The following NKAIN2 variants were observed in gnomAD, a reference collection of about 807,000 sequenced individuals.
The protein encoded by NKAIN2 is sodium/potassium-transporting ATPase subunit beta-1-interacting protein 2.
Under a neutral mutation model 32.6 loss-of-function variants are expected in NKAIN2, and 14 were observed. That is an observed-to-expected ratio of 0.43 (90% CI 0.28 to 0.67). The LOEUF (loss-of-function observed/expected upper bound fraction) is 0.67. Ranked by LOEUF, NKAIN2 falls within the 30% of genes least tolerant of loss-of-function variation. The pLI is 0.17. For missense variants in NKAIN2, 198 were observed against 258.3 expected (o/e 0.77, Z 1.60); for synonymous variants, 80 against 87.2 (o/e 0.92, Z 0.46).
chr6:124,342,266 A>C (rs909811622), intron 2 of NKAIN2, among the ~76,000 whole-genome samples: 1 of 151,254 alleles, frequency 6.6e-6, no homozygotes, highest in African/African-American at 2.4e-5. Flanking sequence ...AAAATTAGCC[A>C]GGCGTGGTGG....
At chr6:124,010,598 G>A (rs952771864) in intron 1 of NKAIN2, among the ~76,000 whole-genome samples, 2 of 150,952 alleles carry the variant, frequency 1.3e-5, no homozygotes, top group African/African-American at 4.9e-5. Context: ...CTTATCAGCT[G>A]TGGGTAAGTA....
chr6:124,081,474 T>A (rs1458832752), intron 1 of NKAIN2, among the ~76,000 whole-genome samples: 1 of 152,138 alleles, frequency 6.6e-6, no homozygotes, highest in African/African-American at 2.4e-5. Flanking sequence ...TTTACTAGAA[T>A]TGAATGGTAT....
intron 4 of NKAIN2, among the ~76,000 whole-genome samples, chr6:124,764,989 G>T (rs185769303): frequency 6.6e-6 from 1 of 152,198 alleles, no homozygotes; most frequent in Non-Finnish European, 1.5e-5. Flanking sequence ...CTTTAACTAA[G>T]TTCCACTAGG....
chr6:124,570,650 A>G (rs1490800204), intron 3 of NKAIN2, among the ~76,000 whole-genome samples: 2 of 152,192 alleles, frequency 1.3e-5, no homozygotes, highest in Non-Finnish European at 2.9e-5. Context: ...ATTTCAGAAG[A>G]TGAGTGGAAA....
At chr6:124,110,863 G>T (rs937650518) in intron 1 of NKAIN2, among the ~76,000 whole-genome samples, 1 of 152,056 alleles carries the variant, frequency 6.6e-6, no homozygotes, top group South Asian at 2.1e-4. Flanking sequence ...ACATGCAAGT[G>T]TATGTGTATT....
At chr6:124,061,847 T>A (rs1249562254) in intron 1 of NKAIN2, among the ~76,000 whole-genome samples, 1 of 152,102 alleles carries the variant, frequency 6.6e-6, no homozygotes, top group African/African-American at 2.4e-5. Flanking sequence ...AACTTAGAAA[T>A]GATATCTGTA....
At chr6:124,437,824 G>T (rs142034657) in intron 3 of NKAIN2, 5 of 378,798 alleles carry the variant, frequency 1.3e-5, no homozygotes, top group African/African-American at 2.2e-5. Context: ...TTTCCTCAAC[G>T]CATGGGATAC....
rs1780122526 is a variant in NKAIN2, at chr6:124,007,416, G to A, written c.54+203162G>A. Among the ~76,000 whole-genome samples the A allele has an allele frequency of 2.6e-5, 4 of 152,154 alleles. No homozygotes were observed. In the South Asian group the frequency reaches 8.3e-4, roughly 32 times the overall value. ...CCACCAATGAGTGTGTACAGTGAAAGCAACACCCATCCTAAATTTTGCTAA... is the reference window on the plus strand; with the variant it reads ...CCACCAATGAGTGTGTACAGTGAAAACAACACCCATCCTAAATTTTGCTAA... On this transcript the variant is annotated intron_variant, in intron 1 of 6. Coordinates refer to ENST00000368417, the MANE Select transcript of NKAIN2 (RefSeq NM_001040214.3).
chr6:124,749,448 CA>C (rs1777608075), intron 4 of NKAIN2, among the ~76,000 whole-genome samples: 1 of 151,900 alleles, frequency 6.6e-6, no homozygotes. Context: ...CCTATCTCAA[CA>C]ACAAATTTAT....
chr6:124,249,628 C>T (rs1793597045), intron 1 of NKAIN2, among the ~76,000 whole-genome samples: 1 of 151,968 alleles, frequency 6.6e-6, no homozygotes, highest in African/African-American at 2.4e-5. Context: ...GGCCAGCACA[C>T]ACACACACGC....
At chr6:124,352,356 A>T (rs536948625) in intron 2 of NKAIN2, among the ~76,000 whole-genome samples, 1 of 152,320 alleles carries the variant, frequency 6.6e-6, no homozygotes, top group South Asian at 2.1e-4. Context: ...AAGATTCCAA[A>T]TTTTTATTAT....
At chr6:124,314,061 C>T (rs1166407184) in intron 2 of NKAIN2, among the ~76,000 whole-genome samples, 1 of 152,078 alleles carries the variant, frequency 6.6e-6, no homozygotes, top group Non-Finnish European at 1.5e-5. Flanking sequence ...TTTGCTTATA[C>T]AGGCCAGAAT....
chr6:124,189,314 A>G (rs544845961), intron 1 of NKAIN2, among the ~76,000 whole-genome samples: 20 of 152,298 alleles, frequency 1.3e-4, no homozygotes, highest in African/African-American at 4.6e-4. Flanking sequence ...AAAGAAACCC[A>G]TAGAAATGAA....
At chr6:124,645,047 CACTT>C (rs1411034468) in intron 3 of NKAIN2, among the ~76,000 whole-genome samples, 4 of 152,116 alleles carry the variant, frequency 2.6e-5, no homozygotes, top group African/African-American at 7.2e-5. Context: ...TGAAGATATA[CACTT>C]ACTTATATTT....
chr6:124,083,620 A>G (rs1283842405), intron 1 of NKAIN2, among the ~76,000 whole-genome samples: 4 of 152,000 alleles, frequency 2.6e-5, no homozygotes, highest in East Asian at 1.9e-4. Context: ...AAATCAACCT[A>G]TTAATGTTTT....
At chr6:124,744,140 T>A (rs4466264) in intron 4 of NKAIN2, among the ~76,000 whole-genome samples, 58,336 of 151,688 alleles carry the variant, frequency 0.38, 11,410 homozygotes, top group Admixed American at 0.45. Context: ...CTTTGATTAA[T>A]GGCTGATGAT....
chr6:124,638,887 C>CAAAAAAAAAAA lies in NKAIN2; in HGVS notation c.274-19287_274-19277dup, dbSNP rs35802663. 6.1e-5 allele frequency among the ~76,000 whole-genome samples: 5 copies of CAAAAAAAAAAA among 82,628 alleles called. 2 individuals carry two copies. Among genetic ancestry groups the CAAAAAAAAAAA allele is most frequent in the African/African-American group, 5.2e-5 (1 of 19,072 alleles). 54.2% of individuals were successfully genotyped at this position (82,628 alleles called of 152,430 possible). On this transcript the variant is annotated intron_variant, in intron 3 of 6. Coordinates refer to ENST00000368417, the MANE Select transcript of NKAIN2 (RefSeq NM_001040214.3). ...GCCTGGGGGCAGAGTGAGACTCTGTCAAAAAAAAAAAAAAAAAAAAAAGAT... is the reference window on the plus strand; with the variant it reads ...GCCTGGGGGCAGAGTGAGACTCTGTCAAAAAAAAAAAAAAAAAAAAAAAAAAAAAAAAAGAT...
chr6:124,616,700 G>A (rs943141537), intron 3 of NKAIN2, among the ~76,000 whole-genome samples: 5 of 151,114 alleles, frequency 3.3e-5, no homozygotes, highest in South Asian at 2.1e-4. Context: ...TCCTGACCTC[G>A]TGATCTACCC....
intron 5 of NKAIN2, 41 bp from the exon 6 acceptor site, chr6:124,818,346 A>G: frequency 1.9e-6 from 2 of 1,060,034 alleles, no homozygotes; most frequent in South Asian, 1.3e-5. Context: ...ATGGATGTAT[A>G]TCTCTTCTGA....
Sources: gnomAD v4.1 joint callset for allele counts (sites outside exome capture counted in the v4.1 genomes callset) on GRCh38, gnomAD v4.1.1 for gene constraint, MANE v1.5 for transcripts, NCBI Gene and HGNC (gene_info 2026-07-23, HGNC 2026-07-21) for gene names.